Variants in MTBP observed in about 807,000 individuals in gnomAD.
MTBP encodes the protein MDM2 binding protein.
Under a neutral mutation model 117.0 loss-of-function variants are expected in MTBP, and 101 were observed. The ratio of observed to expected loss-of-function variants is 0.86; its 90% CI spans 0.73 to 1.02. The LOEUF (loss-of-function observed/expected upper bound fraction) is 1.02. MTBP is among the 50% of genes least tolerant of loss of function. The probability of loss-of-function intolerance (pLI) is 0.00; values close to 1 mark genes in which losing one functional copy is unlikely to be tolerated. For synonymous variants in MTBP, 350 were observed against 351.5 expected (o/e 1.00, Z 0.05); for missense variants, 970 against 1,030.9 (o/e 0.94, Z 0.81).
intron 11 of MTBP, chr8:120,473,971 T>G (rs551744368): frequency 6.6e-6 from 1 of 152,168 alleles, no homozygotes; most frequent in Admixed American, 6.5e-5. Context: ...ATTTTTCCTC[T>G]CATAACTTTC....
intron 10 of MTBP, among the ~76,000 whole-genome samples, chr8:120,467,499 G>A (rs1189535031): frequency 6.6e-6 from 1 of 152,120 alleles, no homozygotes; most frequent in Non-Finnish European, 1.5e-5. Context: ...GCGCCTACTT[G>A]GGAGGCTGAG....
At chr8:120,508,378 A>G (rs1814733015) in intron 16 of MTBP, among the ~76,000 whole-genome samples, 3 of 152,302 alleles carry the variant, frequency 2.0e-5, no homozygotes, top group Middle Eastern at 3.4e-3. Flanking sequence ...GGCGATTGAT[A>G]TGAGAAATGA....
In MTBP at chr8:120,463,789, G is replaced by T. The variant is rs766636418; in HGVS notation, c.1047+28G>T. The T allele has an allele frequency of 8.8e-6, 14 of 1,593,278 alleles. No homozygotes were observed. The South Asian group carries it at 1.0e-4, about 11-fold the overall frequency. On this transcript the variant is annotated intron_variant, in intron 10 of 21. Coordinates refer to ENST00000305949, the MANE Select transcript of MTBP (RefSeq NM_022045.5). ...ATTGAGGGTTTCTTGGGGGTTTTTT[G>T]TTTGTTTGTTTTTATACTTGCCATT...
At chr8:120,467,332 A>G (rs1277513657) in intron 10 of MTBP, among the ~76,000 whole-genome samples, 1 of 152,174 alleles carries the variant, frequency 6.6e-6, no homozygotes, top group Non-Finnish European at 1.5e-5. Flanking sequence ...TTTGAAACTC[A>G]GGCCAGGTGC....
chr8:120,461,100 C>A, intron 8 of MTBP, 61 bp from the exon 9 acceptor site: 2 of 1,240,550 alleles, frequency 1.6e-6, no homozygotes, highest in Non-Finnish European at 2.3e-6. Flanking sequence ...CCCTTAATCA[C>A]TAATTTGTTT....
At chr8:120,487,177 T>C (rs1484963210) in intron 11 of MTBP, among the ~76,000 whole-genome samples, 2 of 152,212 alleles carry the variant, frequency 1.3e-5, no homozygotes, top group Non-Finnish European at 2.9e-5. Context: ...TTTGCCTGAA[T>C]AGAATAAGGG....
At chr8:120,460,554 T>G (rs1813561632) in intron 8 of MTBP, among the ~76,000 whole-genome samples, 1 of 152,180 alleles carries the variant, frequency 6.6e-6, no homozygotes, top group African/African-American at 2.4e-5. Flanking sequence ...TAGCCTCCCT[T>G]CAGTAACAAA....
At chr8:120,453,672 G>GATA (rs56334854) in intron 4 of MTBP, among the ~76,000 whole-genome samples, 175 bp from the exon 5 acceptor site, 146,683 of 151,904 alleles carry the variant, frequency 0.97, 70,853 homozygotes, top group East Asian at 1. Flanking sequence ...TTACAGTTGA[G>GATA]ATAATAGTAT....
intron 20 of MTBP, among the ~76,000 whole-genome samples, chr8:120,521,747 ATTC>A (rs1329722921): frequency 6.6e-6 from 1 of 152,246 alleles, no homozygotes. Context: ...TTTGTATGTC[ATTC>A]TTCTTTATGA....
At chr8:120,467,956 C>A (rs1813733263) in intron 10 of MTBP, among the ~76,000 whole-genome samples, 1 of 152,090 alleles carries the variant, frequency 6.6e-6, no homozygotes, top group South Asian at 2.1e-4. Flanking sequence ...ATTTAGCATC[C>A]CTAAAATGTT....
chr8:120,477,200 T>A (rs1310947609), intron 11 of MTBP, among the ~76,000 whole-genome samples: 1 of 152,194 alleles, frequency 6.6e-6, no homozygotes, highest in Admixed American at 6.5e-5. Flanking sequence ...GCTAGCCATA[T>A]GCAGAAAGCT....
At chr8:120,520,088 T>A (rs1295533445) in intron 20 of MTBP, among the ~76,000 whole-genome samples, 2 of 152,136 alleles carry the variant, frequency 1.3e-5, no homozygotes, top group Non-Finnish European at 2.9e-5. Context: ...TAAATATGAC[T>A]AGACAGCCAT....
At chr8:120,469,487 C>T (rs897057970) in intron 10 of MTBP, among the ~76,000 whole-genome samples, 1 of 152,158 alleles carries the variant, frequency 6.6e-6, no homozygotes, top group Non-Finnish European at 1.5e-5. Flanking sequence ...TTCCTATGGC[C>T]GGCCGCTATA....
At chr8:120,445,657 A>G in intron 1 of MTBP, 69 bp downstream of exon 1, 1 of 1,294,380 alleles carries the variant, frequency 7.7e-7, no homozygotes, top group Non-Finnish European at 1.1e-6. Flanking sequence ...TTTTGTGATC[A>G]AGTTCTGCTG....
At chr8:120,462,262 C>T (rs907513495) in intron 9 of MTBP, among the ~76,000 whole-genome samples, 1 of 152,230 alleles carries the variant, frequency 6.6e-6, no homozygotes, top group East Asian at 1.9e-4. Flanking sequence ...GAGCAAAGCT[C>T]GAACTAAACA....
rs774500484 is a variant in MTBP at position 120,445,515 on chromosome 8, C to A, written c.45C>A (p.Phe15Leu). 10 of 1,613,446 alleles carry A rather than the reference C, an allele frequency of 6.2e-6. No homozygotes were observed. In the Admixed American group the frequency reaches 1.7e-4, roughly 27 times the overall value. ...LLLVIWGEGK[F>L]PSAASREAEH... ...TGGTGATCTGGGGGGAAGGAAAATT[C>A]CCGTCGGCGGCCAGTAGGGAGGCAG... The change falls in exon 1 of 22, where the codon TTC becomes TTA. Residue 15 changes from phenylalanine to leucine, a missense_variant. Coordinates refer to ENST00000305949, the MANE Select transcript of MTBP (RefSeq NM_022045.5).
At chr8:120,481,712 C>T (rs1483897953) in intron 11 of MTBP, among the ~76,000 whole-genome samples, 1 of 152,078 alleles carries the variant, frequency 6.6e-6, no homozygotes, top group Non-Finnish European at 1.5e-5. Context: ...GATGGATGCA[C>T]AGTTGTTTAC....
chr8:120,477,037 C>G (rs943690422), intron 11 of MTBP, among the ~76,000 whole-genome samples: 1 of 152,202 alleles, frequency 6.6e-6, no homozygotes, highest in Non-Finnish European at 1.5e-5. Context: ...CAGCATGGTG[C>G]TGGTACCAAA....
rs779531866 is a variant in MTBP, at chr8:120,516,037, G to A, written c.2092G>A (p.Val698Ile). The A allele has an allele frequency of 1.0e-4, 165 of 1,613,026 alleles. No individual in the cohort carries two copies. Among genetic ancestry groups the A allele is most frequent in the Non-Finnish European group, 1.4e-4 (160 of 1,179,308 alleles). Residue 698 changes from valine to isoleucine, a missense_variant, in exon 18 of 22, where the codon GTA becomes ATA. Physicochemically the swap from Val to Ile is conservative, Grantham distance 29. Transcript: ENST00000305949. Reference protein sequence around the residue: ...QTTCTRESFPVPTVLSPLPSP... With the variant: ...QTTCTRESFPIPTVLSPLPSP... ...TACCTGCACCAGAGAAAGTTTTCCAGTACCTACTGTGTTGAGCCCTCTTCC... is the reference window on the plus strand; with the variant it reads ...TACCTGCACCAGAGAAAGTTTTCCAATACCTACTGTGTTGAGCCCTCTTCC...
Sources: allele counts gnomAD v4.1 joint callset (sites outside exome capture counted in the v4.1 genomes callset), GRCh38; gene constraint gnomAD v4.1.1; transcripts MANE v1.5; gene names NCBI Gene and HGNC (gene_info 2026-07-23, HGNC 2026-07-21).